The following FOXJ3 variants were observed in gnomAD, a reference collection of about 807,000 sequenced individuals.
The protein encoded by FOXJ3 is forkhead box J3.
Under a neutral mutation model 76.1 loss-of-function variants are expected in FOXJ3, and 22 were observed. The observed-to-expected ratio is 0.29, with a 90% CI of 0.21 to 0.41. FOXJ3 has a LOEUF of 0.41. Ranked by LOEUF, FOXJ3 falls within the 10% of genes least tolerant of loss-of-function variation. The pLI is 1.00. For missense variants in FOXJ3, 613 were observed against 762.1 expected, an observed-to-expected ratio of 0.80 and a Z score of 2.30; for synonymous variants, 269 against 261.2, an observed-to-expected ratio of 1.03 and a Z score of -0.29.
At chr1:42,273,113 G>A (rs147652472) in intron 3 of FOXJ3, among the ~76,000 whole-genome samples, 210 of 152,110 alleles carry the variant, frequency 1.4e-3, no homozygotes, top group African/African-American at 4.8e-3. Flanking sequence ...TTTTTACTAC[G>A]TCACATACAC....
chr1:42,291,954 G>T (rs1322523577), intron 2 of FOXJ3, among the ~76,000 whole-genome samples: 2 of 152,100 alleles, frequency 1.3e-5, no homozygotes, highest in Non-Finnish European at 2.9e-5. Flanking sequence ...GCCGGATGGG[G>T]CCAGGAGGAC....
At chr1:42,329,118 T>C (rs1170969394) in intron 1 of FOXJ3, among the ~76,000 whole-genome samples, 1 of 152,180 alleles carries the variant, frequency 6.6e-6, no homozygotes, top group Non-Finnish European at 1.5e-5. Flanking sequence ...GATATACATG[T>C]CAAATAGAAT....
chr1:42,209,166 GAACA>G (rs1353115200), intron 5 of FOXJ3, among the ~76,000 whole-genome samples: 1 of 152,136 alleles, frequency 6.6e-6, no homozygotes, highest in Non-Finnish European at 1.5e-5. Context: ...AACAAAAACA[GAACA>G]GTATTCAGTA....
intron 4 of FOXJ3, among the ~76,000 whole-genome samples, chr1:42,256,951 T>C (rs1443997167): frequency 6.6e-6 from 1 of 152,170 alleles, no homozygotes; most frequent in African/African-American, 2.4e-5. Context: ...AAGACACAAA[T>C]GAGTATATAT....
At chr1:42,319,273 C>A (rs944147248) in intron 1 of FOXJ3, among the ~76,000 whole-genome samples, 12 of 152,062 alleles carry the variant, frequency 7.9e-5, no homozygotes, top group African/African-American at 2.7e-4. Context: ...TCCAAATGCC[C>A]ATCAACTGAT....
chr1:42,250,977 T>C (rs1649991200), intron 4 of FOXJ3, among the ~76,000 whole-genome samples: 2 of 151,910 alleles, frequency 1.3e-5, no homozygotes, highest in African/African-American at 2.4e-5. Flanking sequence ...TGTCTTATTA[T>C]AACTGACCCT....
intron 1 of FOXJ3, among the ~76,000 whole-genome samples, chr1:42,329,671 A>C (rs1656038324): frequency 6.6e-6 from 1 of 152,228 alleles, no homozygotes; most frequent in African/African-American, 2.4e-5. Context: ...CAGTGAAAAT[A>C]ATGTAATTTC....
intron 4 of FOXJ3, among the ~76,000 whole-genome samples, chr1:42,237,580 T>C (rs945823923): frequency 1.3e-5 from 2 of 151,204 alleles, no homozygotes; most frequent in African/African-American, 2.4e-5. Flanking sequence ...CAATCTGTGG[T>C]TATCTGTTTT....
chr1:42,280,892 A>C (rs1652657682), intron 2 of FOXJ3, among the ~76,000 whole-genome samples: 1 of 152,240 alleles, frequency 6.6e-6, no homozygotes, highest in South Asian at 2.1e-4. Context: ...CATTCAATAA[A>C]GATTGGCTAT....
Position 42,191,738 on chromosome 1 carries a change from C to T in FOXJ3, c.935-19G>A, listed in dbSNP as rs1160642384. 6.3e-7 allele frequency: 1 copy of T among 1,598,574 alleles called. No homozygotes were observed. The highest frequency in any genetic ancestry group is 2.2e-5 in the East Asian group (1 of 44,478). ...ATCAAACCTAAAAACAAAGCAAGAT[C>T]ATTTATGGTCAGATTTCAGTTGTAT... is the stretch of plus-strand genomic sequence containing the variant. On this transcript the variant is annotated intron_variant, in intron 8 of 12. Transcript: ENST00000361346.
At chr1:42,180,629 T>C (rs1380541037) in intron 12 of FOXJ3, among the ~76,000 whole-genome samples, 1 of 152,216 alleles carries the variant, frequency 6.6e-6, no homozygotes, top group African/African-American at 2.4e-5. Flanking sequence ...CTGCTACTCA[T>C]TTTTCTCATA....
At chr1:42,261,405 G>T (rs1274609019) in intron 4 of FOXJ3, among the ~76,000 whole-genome samples, 7 of 151,624 alleles carry the variant, frequency 4.6e-5, no homozygotes, top group South Asian at 2.1e-4. Context: ...GTGTGTGTGT[G>T]TTTTTTTTAA....
At chr1:42,294,331 A>C (rs1290058923) in intron 2 of FOXJ3, among the ~76,000 whole-genome samples, 1 of 152,192 alleles carries the variant, frequency 6.6e-6, no homozygotes, top group Non-Finnish European at 1.5e-5. Context: ...CTTTGTCCGT[A>C]CCAGTAATAC....
At chr1:42,257,334 A>C (rs1435975185) in intron 4 of FOXJ3, among the ~76,000 whole-genome samples, 2 of 152,212 alleles carry the variant, frequency 1.3e-5, no homozygotes, top group Non-Finnish European at 2.9e-5. Context: ...ACTGAAAACC[A>C]GGTGTCACTG....
chr1:42,289,949 T>C (rs769294006), intron 2 of FOXJ3, among the ~76,000 whole-genome samples: 3 of 152,074 alleles, frequency 2.0e-5, no homozygotes, highest in Non-Finnish European at 4.4e-5. Flanking sequence ...AAGGGGTAAG[T>C]AGAGAAAGCT....
intron 11 of FOXJ3, among the ~76,000 whole-genome samples, chr1:42,183,313 G>T (rs1373051921): frequency 6.4e-3 from 28 of 4,386 alleles, no homozygotes; most frequent in African/African-American, 0.014. Context: ...CGGGGTGGGG[G>T]AGGGGAGGGG....
chr1:42,278,536 C>G lies in FOXJ3; in HGVS notation c.181G>C (p.Asp61His), dbSNP rs770724053. 2 of 1,614,138 alleles carry G rather than the reference C, an allele frequency of 1.2e-6. No individual in the cohort carries two copies. The change falls in exon 3 of 13, where the codon GAC becomes CAC. Residue 61 changes from aspartate to histidine, a missense_variant. Asp to His is a moderately conservative substitution (Grantham distance 81, BLOSUM62 -1). Transcript: ENST00000361346. ...TGISKKNALL[D>H]PNTTLDQEEV... Reference sequence around the variant, plus strand: ...TCCTGGTCCAGAGTTGTATTTGGGTCAAGGAGTGCATTCTTCTTAGAAATT... The same window carrying G: ...TCCTGGTCCAGAGTTGTATTTGGGTGAAGGAGTGCATTCTTCTTAGAAATT...
intron 6 of FOXJ3, among the ~76,000 whole-genome samples, chr1:42,202,411 T>TAAA (rs10711887): frequency 6.7e-5 from 10 of 148,648 alleles, no homozygotes; most frequent in African/African-American, 1.5e-4. Flanking sequence ...TTGTTTACTG[T>TAAA]AAAAAAAAAA....
chr1:42,331,454 G>A (rs528922138), intron 1 of FOXJ3, among the ~76,000 whole-genome samples: 2 of 152,190 alleles, frequency 1.3e-5, no homozygotes, highest in East Asian at 3.9e-4. Flanking sequence ...TATCAACGTA[G>A]TATATACATA....
Sources: gnomAD v4.1 joint callset for allele counts (sites outside exome capture counted in the v4.1 genomes callset) on GRCh38, gnomAD v4.1.1 for gene constraint, MANE v1.5 for transcripts, NCBI Gene and HGNC (gene_info 2026-07-23, HGNC 2026-07-21) for gene names.